Variants in PRKN observed in about 807,000 individuals in gnomAD.
The protein encoded by PRKN is E3 ubiquitin-protein ligase parkin.
In PRKN, 56 loss-of-function variants were observed where a neutral mutation model predicts 59.5. That is an observed-to-expected ratio of 0.94 (90% CI 0.76 to 1.18). PRKN has a LOEUF of 1.18. Among genes scored for constraint, PRKN ranks in the 50% most tolerant of loss-of-function variants. The pLI is 0.00. For missense variants in PRKN, 657 were observed against 596.4 expected (o/e 1.10, Z -1.06); for synonymous variants, 250 against 222.1 (o/e 1.13, Z -1.12).
Position 161,550,406 on chromosome 6 carries a change from G to C in PRKN, c.934-1403C>G, listed in dbSNP as rs1335187183. ...GACATCCACCTGGCTGCTATGTTCG[G>C]AATACCCTCTGGAGGGCCAGGGTGT... On this transcript the variant is annotated intron_variant, in intron 8 of 11. Transcript: ENST00000366898. This position sits in a 1 kb window ranked among gnomAD's most constrained non-coding sequence, Gnocchi z 4.0. Among the ~76,000 whole-genome samples, 1 of 152,180 alleles carries C rather than the reference G, an allele frequency of 6.6e-6. No homozygotes were observed. Among genetic ancestry groups the C allele is most frequent in the Non-Finnish European group, 1.5e-5 (1 of 68,040 alleles).
chr6:161,348,078 C>A lies in PRKN; in HGVS notation c.*2021G>T, dbSNP rs1122470. ...CCTTGTTCAGGCACCGCAAGCCCAA[C>A]GCAGCATGCAGATTGGGAAGGCGCA... is the stretch of plus-strand genomic sequence containing the variant. On this transcript the variant is annotated 3_prime_UTR_variant, in exon 12 of 12. Coordinates refer to ENST00000366898, the MANE Select transcript of PRKN (RefSeq NM_004562.3). The surrounding 1 kb of genome is among the most constrained non-coding windows in gnomAD (Gnocchi z 4.9). 5.4e-6 allele frequency: 1 copy of A among 186,802 alleles called. No individual in the cohort carries two copies. Among genetic ancestry groups the A allele is most frequent in the South Asian group, 2.0e-4 (1 of 5,084 alleles). 11.6% of individuals were successfully genotyped at this position (186,802 alleles called of 1,614,324 possible).
intron 3 of PRKN, among the ~76,000 whole-genome samples, chr6:162,229,024 A>C (rs1436149200): frequency 6.6e-6 from 1 of 152,300 alleles, no homozygotes; most frequent in South Asian, 2.1e-4. Context: ...TCTGTTTTCT[A>C]TCCAAACTCG....
chr6:161,492,063 A>ACATGTTAGCTGTACATGTT (rs1443715281), intron 9 of PRKN, among the ~76,000 whole-genome samples: 7 of 152,244 alleles, frequency 4.6e-5, no homozygotes, highest in African/African-American at 1.7e-4. Context: ...GCCATCAAGT[A>ACATGTTAGCTGTACATGTT]AATGCTCAGT....
intron 2 of PRKN, among the ~76,000 whole-genome samples, chr6:162,424,405 G>A (rs1205496660): frequency 6.6e-6 from 1 of 152,120 alleles, no homozygotes; most frequent in Non-Finnish European, 1.5e-5. Context: ...GGCTCTGAGT[G>A]ACAATGATGT....
At chr6:162,586,547 G>C (rs1781068188) in intron 1 of PRKN, among the ~76,000 whole-genome samples, 1 of 152,146 alleles carries the variant, frequency 6.6e-6, no homozygotes, top group Admixed American at 6.5e-5. Context: ...AGAAGAGAAA[G>C]AGGTCCTGTG....
intron 10 of PRKN, among the ~76,000 whole-genome samples, chr6:161,382,666 T>A (rs904637046): frequency 1.3e-5 from 2 of 152,162 alleles, no homozygotes; most frequent in East Asian, 1.9e-4. Flanking sequence ...TGGACTCTCG[T>A]TAGTCTGTGA....
chr6:161,975,800 C>G (rs976642868), intron 5 of PRKN, among the ~76,000 whole-genome samples: 7 of 152,232 alleles, frequency 4.6e-5, no homozygotes, highest in African/African-American at 1.7e-4. Flanking sequence ...TGAGTAAACT[C>G]TAGTTACTCT....
At chr6:161,687,470 G>T (rs1785607010) in intron 7 of PRKN, among the ~76,000 whole-genome samples, 1 of 142,622 alleles carries the variant, frequency 7.0e-6, no homozygotes, top group Non-Finnish European at 1.5e-5. Context: ...AAAAAAAAAT[G>T]TATGTTTTGA....
intron 1 of PRKN, among the ~76,000 whole-genome samples, chr6:162,587,550 T>A (rs976596956): frequency 6.6e-6 from 1 of 152,148 alleles, no homozygotes; most frequent in Non-Finnish European, 1.5e-5. Flanking sequence ...CGGGAACAAA[T>A]GGTAGTCCTT....
At chr6:162,556,436 C>CT (rs1452626342) in intron 1 of PRKN, among the ~76,000 whole-genome samples, 1 of 143,112 alleles carries the variant, frequency 7.0e-6, no homozygotes, top group Admixed American at 7.2e-5. Context: ...TTTTTTTCCC[C>CT]TCTAGTGCAT....
At chr6:161,992,193 G>A (rs1214045612) in intron 5 of PRKN, among the ~76,000 whole-genome samples, 1 of 151,908 alleles carries the variant, frequency 6.6e-6, no homozygotes, top group Non-Finnish European at 1.5e-5. Context: ...ACAAAAATTA[G>A]TTGAGTGGGG....
intron 1 of PRKN, among the ~76,000 whole-genome samples, chr6:162,726,812 C>T (rs78067160): frequency 0.011 from 1,618 of 152,206 alleles, 34 homozygotes; most frequent in African/African-American, 0.037. Flanking sequence ...ATAATGAAAC[C>T]CCATCTAGCA....
chr6:162,601,397 T>C (rs150232892), intron 1 of PRKN, among the ~76,000 whole-genome samples: 12 of 152,178 alleles, frequency 7.9e-5, no homozygotes, highest in Middle Eastern at 3.4e-3. Flanking sequence ...AAGTATGTAA[T>C]ATTTGTTTAA....
At position 162,394,397 on chromosome 6, in the gene PRKN, C is replaced by T. The variant is rs533480078; in HGVS notation, c.171+48913G>A. 3.2e-4 allele frequency among the ~76,000 whole-genome samples: 49 copies of T among 152,228 alleles called. 1 individual carries two copies. Among genetic ancestry groups the T allele is most frequent in the African/African-American group, 1.1e-3 (47 of 41,526 alleles). On this transcript the variant is annotated intron_variant, in intron 2 of 11. Transcript: ENST00000366898. ...TCTATGTAATCCTTATCATGGCGTT[C>T]CTACCAACTCAAACATTTTTAAGGT...
chr6:162,469,461 T>A (rs544202524), intron 1 of PRKN, among the ~76,000 whole-genome samples: 1 of 151,000 alleles, frequency 6.6e-6, no homozygotes, highest in African/African-American at 2.4e-5. Context: ...CAAATGCCCA[T>A]CAATCAATGA....
At chr6:162,042,450 A>ATT (rs11459736) in intron 5 of PRKN, among the ~76,000 whole-genome samples, 48 of 147,930 alleles carry the variant, frequency 3.2e-4, no homozygotes, top group East Asian at 1.2e-3. Context: ...TACCCAGCTA[A>ATT]TTTTTTTTTT....
chr6:162,135,844 C>A (rs1020835677), intron 4 of PRKN, among the ~76,000 whole-genome samples: 1 of 152,064 alleles, frequency 6.6e-6, no homozygotes, highest in Admixed American at 6.6e-5. Context: ...CTTGGGATTG[C>A]AAACCACTTT....
intron 1 of PRKN, among the ~76,000 whole-genome samples, chr6:162,558,222 G>GA (rs1408829863): frequency 4.0e-5 from 6 of 151,862 alleles, no homozygotes; most frequent in African/African-American, 1.5e-4. Flanking sequence ...GAATCTCAAA[G>GA]AAAGTGGCAT....
In PRKN at chr6:161,397,167, A is replaced by G. The variant is rs910687522; in HGVS notation, c.1084-10290T>C. ...CCTCTTCTAAAGGGATAGGATTTGT[A>G]TCTTATTCATCTTTGTCTTCCCAAG... On this transcript the variant is annotated intron_variant, in intron 9 of 11. Transcript: ENST00000366898. This position sits in a 1 kb window ranked among gnomAD's most constrained non-coding sequence, Gnocchi z 4.2. Among the ~76,000 whole-genome samples, 1 of 152,128 alleles carries G rather than the reference A, an allele frequency of 6.6e-6. No individual in the cohort carries two copies. Among genetic ancestry groups the G allele is most frequent in the Non-Finnish European group, 1.5e-5 (1 of 68,026 alleles).
Sources: gnomAD v4.1 joint callset for allele counts (sites outside exome capture counted in the v4.1 genomes callset) on GRCh38, gnomAD v4.1.1 for gene constraint, Gnocchi (gnomAD v3.1) non-coding constraint, MANE v1.5 for transcripts, NCBI Gene and HGNC (gene_info 2026-07-23, HGNC 2026-07-21) for gene names.